The following SYTL2 variants were observed in gnomAD, a reference collection of about 807,000 sequenced individuals.
SYTL2 encodes synaptotagmin like 2.
A neutral mutation model predicts 198.7 loss-of-function variants in SYTL2; 165 were observed. That is an observed-to-expected ratio of 0.83 (90% CI 0.73 to 0.94). SYTL2 has a LOEUF of 0.94. SYTL2 is among the 40% of genes least tolerant of loss of function. The probability of loss-of-function intolerance (pLI) is 0.00; values close to 1 mark genes in which losing one functional copy is unlikely to be tolerated. For missense variants in SYTL2, 2,835 were observed against 2,582.8 expected (o/e 1.10, Z -2.12); for synonymous variants, 966 against 917.7 (o/e 1.05, Z -0.95).
chr11:85,841,975 A>C, the SYTL2 span, among the ~76,000 whole-genome samples: 1 of 152,248 alleles, frequency 6.6e-6, no homozygotes, highest in African/African-American at 2.4e-5. Context: ...TGGAAAGAAT[A>C]ATCATTTATT....
chr11:85,714,125 A>AT (rs904604213), intron 12 of SYTL2, among the ~76,000 whole-genome samples: 1 of 152,250 alleles, frequency 6.6e-6, no homozygotes, highest in African/African-American at 2.4e-5. Context: ...ATCAGTTCAT[A>AT]TACCTTCCTG....
At chr11:85,775,449 C>A (rs188401101) in intron 1 of SYTL2, among the ~76,000 whole-genome samples, 3 of 152,064 alleles carry the variant, frequency 2.0e-5, no homozygotes, top group African/African-American at 4.8e-5. Flanking sequence ...GTAGGTAGAG[C>A]GGATAGGAAT....
the SYTL2 span, among the ~76,000 whole-genome samples, chr11:85,822,749 C>T: frequency 6.6e-6 from 1 of 152,306 alleles, no homozygotes; most frequent in South Asian, 2.1e-4. Context: ...AAGAGGAATC[C>T]ACAGTCAGGC....
chr11:85,706,718 G>A (rs978593034), intron 15 of SYTL2, among the ~76,000 whole-genome samples: 1 of 152,160 alleles, frequency 6.6e-6, no homozygotes, highest in Admixed American at 6.5e-5. Flanking sequence ...AAGAAAGATG[G>A]CTTTGACCCT....
chr11:85,804,845 C>T lies in SYTL2; in HGVS notation c.-390+6109G>A, dbSNP rs555891554. Among the ~76,000 whole-genome samples, 6 of 152,214 alleles carry T rather than the reference C, an allele frequency of 3.9e-5. No homozygotes were observed. The South Asian group carries it at 6.2e-4, about 16-fold the overall frequency. On this transcript the variant is annotated intron_variant, in intron 1 of 19. Coordinates refer to ENST00000359152, the MANE Select transcript of SYTL2 (RefSeq NM_206927.4). ...ATCTATCATATTTGCATTTGAATGC[C>T]GGTGGCTCCAACTATTCATAACTTA...
chr11:85,832,524 G>A, the SYTL2 span, among the ~76,000 whole-genome samples: 1 of 152,152 alleles, frequency 6.6e-6, no homozygotes, highest in Admixed American at 6.6e-5. Context: ...GAGAGTCACT[G>A]AAATATAACT....
intron 1 of SYTL2, among the ~76,000 whole-genome samples, chr11:85,797,641 G>GAAAAGA (rs764398637): frequency 1.3e-5 from 2 of 148,758 alleles, no homozygotes; most frequent in African/African-American, 2.5e-5. Flanking sequence ...AAAAAAAAAA[G>GAAAAGA]AAAAGAAAAA....
chr11:85,849,328 C>T, the SYTL2 span, among the ~76,000 whole-genome samples: 14 of 152,136 alleles, frequency 9.2e-5, no homozygotes, highest in Non-Finnish European at 1.9e-4. Context: ...TCTTTTGTTG[C>T]CGTTGCTTTT....
chr11:85,705,955 G>A (rs1308691820), intron 15 of SYTL2, among the ~76,000 whole-genome samples: 1 of 152,188 alleles, frequency 6.6e-6, no homozygotes. Context: ...TATTTTTCCA[G>A]AGGATGATCA....
chr11:85,713,047 G>A (rs902978989), intron 12 of SYTL2, among the ~76,000 whole-genome samples: 4 of 152,094 alleles, frequency 2.6e-5, no homozygotes, highest in Admixed American at 6.6e-5. Flanking sequence ...GAACTGCATG[G>A]CATGCCTACT....
In SYTL2 at chr11:85,714,486, G is replaced by T. The variant is rs755350680; in HGVS notation, c.5552C>A (p.Pro1851His). The T allele has an allele frequency of 1.9e-6, 3 of 1,613,400 alleles. No individual in the cohort carries two copies. Among genetic ancestry groups the T allele is most frequent in the Non-Finnish European group, 2.5e-6 (3 of 1,179,444 alleles). Reference protein sequence around the residue: ...VPRISTVPTQPDNPFSHPDKL... With the variant: ...VPRISTVPTQHDNPFSHPDKL... ...GTCAGGGTGAGAAAATGGATTATCA[G>T]GTTGTGTAGGCACTGTGGAAACTAA... Residue 1851 changes from proline to histidine, a missense_variant, in exon 12 of 20, where the codon CCT becomes CAT. Coordinates refer to ENST00000359152, the MANE Select transcript of SYTL2 (RefSeq NM_206927.4).
At position 85,727,535 on chromosome 11, in the gene SYTL2, T is replaced by G. The variant is rs1449704418; in HGVS notation, c.1823A>C (p.Asn608Thr). 2 of 1,536,102 alleles carry G rather than the reference T, an allele frequency of 1.3e-6. No homozygotes were observed. Among genetic ancestry groups the G allele is most frequent in the South Asian group, 1.2e-5 (1 of 84,062 alleles). ...CATGAATTTGGATTTGATATTCACA[T>G]TATTATCTTGGCAACTTTCAGAAAC... ...MLVSESCQDNNVNIKSKFMNL... is the reference protein window; with the variant it reads ...MLVSESCQDNTVNIKSKFMNL... Residue 608 changes from asparagine to threonine, a missense_variant, in exon 8 of 20, where the codon AAT becomes ACT. Transcript: ENST00000359152.
chr11:85,829,454 G>A, the SYTL2 span, among the ~76,000 whole-genome samples: 34 of 152,242 alleles, frequency 2.2e-4, no homozygotes, highest in Admixed American at 1.5e-3. Flanking sequence ...ATCCACTGTC[G>A]ATGGGCACGT....
At chr11:85,754,293 A>G (rs1403651344) in intron 2 of SYTL2, among the ~76,000 whole-genome samples, 1 of 152,160 alleles carries the variant, frequency 6.6e-6, no homozygotes, top group African/African-American at 2.4e-5. Flanking sequence ...TTCTCTTCAT[A>G]TCATTGTCCA....
chr11:85,708,435 T>C (rs561512202), intron 14 of SYTL2, among the ~76,000 whole-genome samples: 3 of 152,260 alleles, frequency 2.0e-5, no homozygotes, highest in East Asian at 3.9e-4. Flanking sequence ...GACTTCTGTA[T>C]AGGGATAAGT....
At chr11:85,805,888 C>A (rs560911097) in intron 1 of SYTL2, among the ~76,000 whole-genome samples, 1 of 152,294 alleles carries the variant, frequency 6.6e-6, no homozygotes, top group South Asian at 2.1e-4. Flanking sequence ...TAAACCAAAT[C>A]TATACTAGTA....
At chr11:85,718,703 T>C (rs2153449332) in intron 10 of SYTL2, 87 bp downstream of exon 10, 1 of 1,222,714 alleles carries the variant, frequency 8.2e-7, no homozygotes, top group South Asian at 1.3e-5. Flanking sequence ...GTTCTTCTGT[T>C]TACCCAACAG....
At chr11:85,814,654 A>C (rs192006436), upstream of SYTL2, among the ~76,000 whole-genome samples, 10 of 152,282 alleles carry the variant, frequency 6.6e-5, no homozygotes, top group African/African-American at 2.2e-4. Context: ...TTTAAATGAT[A>C]ATCTGAAATT....
chr11:85,696,400 GGCATGATTGTGGGA>G lies in SYTL2; in HGVS notation c.6369-26_6369-13del. 3.7e-6 allele frequency: 6 copies of G among 1,608,968 alleles called. No homozygotes were observed. Among genetic ancestry groups the G allele is most frequent in the Non-Finnish European group, 5.1e-6 (6 of 1,175,422 alleles). On this transcript the variant is annotated splice_polypyrimidine_tract_variant and intron_variant, in intron 18 of 19. Transcript: ENST00000359152. ...CTGGAAGGATGGTACTACAAAAAGA[GGCATGATTGTGGGA>G]GCATTTTAGTAAGATAGTGAACATT...
Sources: allele counts gnomAD v4.1 joint callset (sites outside exome capture counted in the v4.1 genomes callset), GRCh38; gene constraint gnomAD v4.1.1; transcripts MANE v1.5; gene names NCBI Gene and HGNC (gene_info 2026-07-23, HGNC 2026-07-21).